The following LHFPL5 variants were observed in gnomAD, a reference collection of about 807,000 sequenced individuals.
LHFPL5 encodes the protein LHFPL tetraspan subfamily member 5 protein.
Under a neutral mutation model 18.7 loss-of-function variants are expected in LHFPL5, and 12 were observed. The observed-to-expected ratio is 0.64, with a 90% CI of 0.41 to 1.04. LHFPL5 has a LOEUF of 1.04. Among genes scored for constraint, LHFPL5 ranks in the 50% least tolerant of loss-of-function variants. The pLI, the probability that LHFPL5 is intolerant of heterozygous loss-of-function variation, is 0.00. For synonymous variants in LHFPL5, 111 were observed against 120.2 expected (o/e 0.92, Z 0.50); for missense variants, 259 against 292.1 (o/e 0.89, Z 0.83).
At chr6:35,816,735 C>A (rs375709951) in intron 2 of LHFPL5, among the ~76,000 whole-genome samples, 1 of 150,418 alleles carries the variant, frequency 6.6e-6, no homozygotes, top group African/African-American at 2.5e-5. Context: ...TGGCATAAAC[C>A]CAGGGGGCAG....
At chr6:35,821,681 A>G (rs183630769) in intron 3 of LHFPL5, among the ~76,000 whole-genome samples, 6 of 151,830 alleles carry the variant, frequency 4.0e-5, no homozygotes, top group African/African-American at 1.5e-4. Flanking sequence ...GGGTTTCTCC[A>G]TGTTGGTCAT....
intron 1 of LHFPL5, among the ~76,000 whole-genome samples, chr6:35,812,986 C>T (rs1001309188): frequency 2.0e-5 from 3 of 151,876 alleles, no homozygotes; most frequent in Non-Finnish European, 4.4e-5. Flanking sequence ...ATCCGGGAGG[C>T]GGGTGTTGCA....
rs1388032005 is a variant in LHFPL5, at chr6:35,814,854, C to T, written c.649+72C>T. On this transcript the variant is annotated intron_variant, in intron 2 of 3. Coordinates refer to ENST00000360215, the MANE Select transcript of LHFPL5 (RefSeq NM_182548.4). This position sits in a 1 kb window ranked among gnomAD's most constrained non-coding sequence, Gnocchi z 4.2. Reference sequence around the variant, plus strand: ...GATGTGGGTGGGGGTTCATCTTAGCCAGTCCTCTAAGGCTTGGTCCCTGGC... The same window carrying T: ...GATGTGGGTGGGGGTTCATCTTAGCTAGTCCTCTAAGGCTTGGTCCCTGGC... The T allele has an allele frequency of 2.9e-6, 4 of 1,373,602 alleles. No homozygotes were observed. In the Admixed American group the frequency reaches 6.7e-5, roughly 23 times the overall value. 85.1% of individuals were successfully genotyped at this position (1,373,602 alleles called of 1,614,324 possible). A position where few individuals can be genotyped will look rare whatever the true frequency, so the allele number is the denominator to read the frequency against.
rs1392238351 is a variant in LHFPL5 at position 35,819,460 on chromosome 6, G to A, written c.*13G>A. 6.2e-7 allele frequency: 1 copy of A among 1,613,880 alleles called. No individual in the cohort carries two copies. The highest frequency in any genetic ancestry group is 1.1e-5 in the South Asian group (1 of 91,048). Reference sequence around the variant, plus strand: ...AGAGGAGGTGTGAAGCAGCTGAAGGGTCGGTGAGTAATTCTATGGGAGGGT... The same window carrying A: ...AGAGGAGGTGTGAAGCAGCTGAAGGATCGGTGAGTAATTCTATGGGAGGGT... On this transcript the variant is annotated 3_prime_UTR_variant, in exon 3 of 4. Coordinates refer to ENST00000360215, the MANE Select transcript of LHFPL5 (RefSeq NM_182548.4).
chr6:35,821,238 C>T (rs1035771386), intron 3 of LHFPL5, among the ~76,000 whole-genome samples: 3 of 148,668 alleles, frequency 2.0e-5, no homozygotes, highest in Non-Finnish European at 4.4e-5. Context: ...CAGGAGGCGG[C>T]GGTTGCCATG....
chr6:35,823,310 G>A lies in LHFPL5; in HGVS notation c.*345G>A, dbSNP rs2766530. Reference sequence around the variant, plus strand: ...TCTTGAAGCCTCTCCTCTGTAAAGCGAGAGGGCTAAATGGGTCCATCTCTA... The same window carrying A: ...TCTTGAAGCCTCTCCTCTGTAAAGCAAGAGGGCTAAATGGGTCCATCTCTA... On this transcript the variant is annotated 3_prime_UTR_variant, in exon 4 of 4. Coordinates refer to ENST00000360215, the MANE Select transcript of LHFPL5 (RefSeq NM_182548.4). 0.071 allele frequency: 10,800 copies of A among 151,552 alleles called. 1,150 individuals are homozygous for A. Among genetic ancestry groups the A allele is most frequent in the African/African-American group, 0.23 (9,586 of 41,058 alleles). 9.4% of individuals were successfully genotyped at this position (151,552 alleles called of 1,614,324 possible). A position where few individuals can be genotyped will look rare whatever the true frequency, so the allele number is the denominator to read the frequency against.
chr6:35,823,477 ACTCT>A lies in LHFPL5; in HGVS notation c.*524_*527del, dbSNP rs57581979. 4.2e-4 allele frequency: 59 copies of A among 140,852 alleles called. 1 individual carries two copies. The highest frequency in any genetic ancestry group is 5.2e-4 in the Non-Finnish European group (34 of 64,914). 8.7% of individuals were successfully genotyped at this position (140,852 alleles called of 1,614,324 possible). On this transcript the variant is annotated 3_prime_UTR_variant, in exon 4 of 4. Coordinates refer to ENST00000360215, the MANE Select transcript of LHFPL5 (RefSeq NM_182548.4). ...CACACACACACACACACACACACAC[ACTCT>A]CTCTCTCTCTCAAACACACACAAAT...
chr6:35,821,608 A>C (rs1361936235), intron 3 of LHFPL5, among the ~76,000 whole-genome samples: 1 of 151,598 alleles, frequency 6.6e-6, no homozygotes, highest in Non-Finnish European at 1.5e-5. Flanking sequence ...CAGCCTCCCA[A>C]GTAGCTGGGA....
chr6:35,823,477 A>ACACACACACACACACTCT lies in LHFPL5; in HGVS notation c.*513_*514insACACACACACACACTCTC, dbSNP rs1554147856. 3 of 140,750 alleles carry ACACACACACACACACTCT rather than the reference A, an allele frequency of 2.1e-5. No homozygotes were observed. The highest frequency in any genetic ancestry group is 8.2e-5 in the African/African-American group (3 of 36,488). 8.7% of individuals were successfully genotyped at this position (140,750 alleles called of 1,614,324 possible). Reference sequence around the variant, plus strand: ...CACACACACACACACACACACACACACTCTCTCTCTCTCTCAAACACACAC... The same window carrying ACACACACACACACACTCT: ...CACACACACACACACACACACACACACACACACACACACACTCTCTCTCTCTCTCTCTCAAACACACAC... On this transcript the variant is annotated 3_prime_UTR_variant, in exon 4 of 4. Coordinates refer to ENST00000360215, the MANE Select transcript of LHFPL5 (RefSeq NM_182548.4).
At chr6:35,810,077 A>G (rs1193401208) in intron 1 of LHFPL5, among the ~76,000 whole-genome samples, 1 of 152,256 alleles carries the variant, frequency 6.6e-6, no homozygotes, top group Non-Finnish European at 1.5e-5. Flanking sequence ...ACAGTGCTAA[A>G]GAACACTAGA....
rs1181916512 is a variant in LHFPL5, at chr6:35,814,075, G to A, written c.413-471G>A. ...ACCTCCCAAAGTGCTGGGATTACAGGTGTGAGCCACCACCCCCAGGCTAGA... is the reference window on the plus strand; with the variant it reads ...ACCTCCCAAAGTGCTGGGATTACAGATGTGAGCCACCACCCCCAGGCTAGA... On this transcript the variant is annotated intron_variant, in intron 1 of 3. Transcript: ENST00000360215. This position sits in a 1 kb window ranked among gnomAD's most constrained non-coding sequence, Gnocchi z 4.2. Among the ~76,000 whole-genome samples, 1 of 152,210 alleles carries A rather than the reference G, an allele frequency of 6.6e-6. No homozygotes were observed. Among genetic ancestry groups the A allele is most frequent in the East Asian group, 1.9e-4 (1 of 5,204 alleles).
chr6:35,815,391 G>A (rs1214432702), intron 2 of LHFPL5, among the ~76,000 whole-genome samples: 1 of 152,112 alleles, frequency 6.6e-6, no homozygotes, highest in East Asian at 1.9e-4. Context: ...CTCCCTGATT[G>A]CTTCCCATTA....
rs1456346916 is a variant in LHFPL5 at position 35,823,889 on chromosome 6, AT to A, written c.*925del. The A allele has an allele frequency of 6.6e-6, 1 of 152,074 alleles. No individual in the cohort carries two copies. Among genetic ancestry groups the A allele is most frequent in the Admixed American group, 6.6e-5 (1 of 15,262 alleles). The allele number at this position is 152,074 out of a possible 1,614,324, so 9.4% of individuals were successfully genotyped here. On this transcript the variant is annotated 3_prime_UTR_variant, in exon 4 of 4. Transcript: ENST00000360215. ...TTTTTTCAAAAACTTTGGATTTGGC[AT>A]ATAGTCATCTATAGGGGGATTGGTT...
At chr6:35,817,409 A>G (rs1174935725) in intron 2 of LHFPL5, among the ~76,000 whole-genome samples, 1 of 152,238 alleles carries the variant, frequency 6.6e-6, no homozygotes, top group Non-Finnish European at 1.5e-5. Context: ...CCATCAAGAA[A>G]GTAAAAGGAC....
chr6:35,816,810 TAAA>T (rs752528571), intron 2 of LHFPL5, among the ~76,000 whole-genome samples: 5 of 83,252 alleles, frequency 6.0e-5, no homozygotes, highest in Admixed American at 1.4e-4. Flanking sequence ...AGACTCCATC[TAAA>T]AAAAAAAAAA....
rs1768558061 is a variant in LHFPL5, at chr6:35,805,763, C to T, written c.93C>T (p.Thr31=). The change falls in exon 1 of 4, where the codon ACC becomes ACT. Residue 31 remains threonine, a synonymous_variant. Transcript: ENST00000360215. This position sits in a 1 kb window ranked among gnomAD's most constrained non-coding sequence, Gnocchi z 4.3. ...GAGCCGTGGGCGTGATGTGGGGTAC[C>T]CTCACCATCTGCTTCTCCGTACTGG... ...NSRAVGVMWG[T]LTICFSVLVM... 1.9e-6 allele frequency: 3 copies of T among 1,614,240 alleles called. No individual in the cohort carries two copies. The highest frequency in any genetic ancestry group is 2.2e-5 in the South Asian group (2 of 91,090).
chr6:35,806,280 C>G (rs555201580), intron 1 of LHFPL5, among the ~76,000 whole-genome samples, 198 bp downstream of exon 1: 2 of 152,286 alleles, frequency 1.3e-5, no homozygotes, highest in East Asian at 1.9e-4. Flanking sequence ...CCTTAGAGAC[C>G]AAGCTGTCCA....
chr6:35,818,282 T>A (rs1768796838), intron 2 of LHFPL5, among the ~76,000 whole-genome samples: 1 of 150,444 alleles, frequency 6.6e-6, no homozygotes, highest in South Asian at 2.1e-4. Context: ...TTAGAATTAG[T>A]GATGATAGTT....
At chr6:35,821,625 G>C (rs948403146) in intron 3 of LHFPL5, among the ~76,000 whole-genome samples, 8 of 151,830 alleles carry the variant, frequency 5.3e-5, no homozygotes, top group African/African-American at 1.9e-4. Flanking sequence ...GGGATTATAG[G>C]CATGCGCCAC....
Sources: gnomAD v4.1 joint callset for allele counts (sites outside exome capture counted in the v4.1 genomes callset) on GRCh38, gnomAD v4.1.1 for gene constraint, Gnocchi (gnomAD v3.1) non-coding constraint, MANE v1.5 for transcripts, NCBI Gene and HGNC (gene_info 2026-07-23, HGNC 2026-07-21) for gene names.